AP1G1: variants seen among roughly 807,000 people sequenced by gnomAD.
AP1G1 encodes AP-1 complex subunit gamma-1.
A neutral mutation model predicts 108.3 loss-of-function variants in AP1G1; 7 were observed. That is an observed-to-expected ratio of 0.06 (90% CI 0.04 to 0.12). The LOEUF is 0.12. Among genes scored for constraint, AP1G1 ranks in the 10% least tolerant of loss-of-function variants. AP1G1 has a pLI of 1.00. For synonymous variants in AP1G1, 379 were observed against 353.5 expected, an observed-to-expected ratio of 1.07 and a Z score of -0.81; for missense variants, 756 against 1,010.7, an observed-to-expected ratio of 0.75 and a Z score of 3.42.
intron 1 of AP1G1, among the ~76,000 whole-genome samples, chr16:71,789,960 G>C (rs1767090748): frequency 6.6e-6 from 1 of 152,102 alleles, no homozygotes; most frequent in Non-Finnish European, 1.5e-5. Flanking sequence ...TAAGAGAGAA[G>C]ACCAATTGTC....
At position 71,764,342 on chromosome 16, in the gene AP1G1, A is replaced by C. The variant is rs770632286; in HGVS notation, c.918+8T>G. 60 of 1,552,688 alleles carry C rather than the reference A, an allele frequency of 3.9e-5. No individual in the cohort carries two copies. Among genetic ancestry groups the C allele is most frequent in the Non-Finnish European group, 5.2e-5 (59 of 1,135,298 alleles). On this transcript the variant is annotated splice_region_variant and intron_variant, in intron 9 of 22. Transcript: ENST00000299980. ...TAGGGGGGGAAGAAAAGATTCAAAA[A>C]GACTTACTCGCAATCCACTCTCTGA...
At chr16:71,799,400 C>T (rs1350990352) in intron 1 of AP1G1, among the ~76,000 whole-genome samples, 1 of 152,152 alleles carries the variant, frequency 6.6e-6, no homozygotes, top group African/African-American at 2.4e-5. Flanking sequence ...TAAATGTCCA[C>T]AGGAAAATAA....
intron 1 of AP1G1, among the ~76,000 whole-genome samples, chr16:71,803,855 CG>C (rs1385103939): frequency 7.2e-6 from 1 of 139,266 alleles, no homozygotes; most frequent in African/African-American, 2.7e-5. Context: ...AACCAGGGGG[CG>C]GAGGTTGCAG....
chr16:71,771,089 T>C (rs1210451095), intron 5 of AP1G1, 67 bp downstream of exon 5: 7 of 1,000,198 alleles, frequency 7.0e-6, no homozygotes, highest in South Asian at 1.4e-5. Flanking sequence ...AGGACTAACA[T>C]AGCCTTAAGC....
intron 19 of AP1G1, 52 bp from the exon 20 acceptor site, chr16:71,739,393 T>C: frequency 7.2e-7 from 1 of 1,390,984 alleles, no homozygotes; most frequent in Non-Finnish European, 9.8e-7. Context: ...TGACAAAGCT[T>C]ACCAAGAAAT....
intron 1 of AP1G1, chr16:71,807,943 C>T (rs2142297074): frequency 7.9e-7 from 1 of 1,265,068 alleles, no homozygotes; most frequent in Non-Finnish European, 1.0e-6. Flanking sequence ...TATGAGAAAA[C>T]ATTTGACAGC....
At chr16:71,764,770 ACAAAGAAATCTCACT>A in intron 7 of AP1G1, 44 bp from the exon 8 acceptor site, 1 of 1,254,116 alleles carries the variant, frequency 8.0e-7, no homozygotes, top group Non-Finnish European at 1.1e-6. Context: ...TATGTCTCAC[ACAAAGAAATCTCACT>A]TGGTATGAAA....
chr16:71,797,774 G>C (rs1338552910), intron 1 of AP1G1, among the ~76,000 whole-genome samples: 1 of 152,080 alleles, frequency 6.6e-6, no homozygotes, highest in Non-Finnish European at 1.5e-5. Context: ...ACTCCAGCCT[G>C]GGCGACAGAG....
Position 71,732,805 on chromosome 16 carries a change from A to T in AP1G1, c.*253T>A, listed in dbSNP as rs2045487388. On this transcript the variant is annotated 3_prime_UTR_variant, in exon 23 of 23. Transcript: ENST00000299980. Reference sequence around the variant, plus strand: ...GGCTGTAAATGTGGGAGGGGTGGAGAAGTGCGGAAAAAGGAGAAGAGGAAG... The same window carrying T: ...GGCTGTAAATGTGGGAGGGGTGGAGTAGTGCGGAAAAAGGAGAAGAGGAAG... The T allele has an allele frequency of 2.6e-6, 1 of 379,606 alleles. No homozygotes were observed. Among genetic ancestry groups the T allele is most frequent in the Non-Finnish European group, 4.8e-6 (1 of 209,952 alleles). 23.5% of individuals were successfully genotyped at this position (379,606 alleles called of 1,614,324 possible). A position where few individuals can be genotyped will look rare whatever the true frequency, so the allele number is the denominator to read the frequency against.
Position 71,732,213 on chromosome 16 carries a change from C to T in AP1G1, c.*845G>A, listed in dbSNP as rs924648612. On this transcript the variant is annotated 3_prime_UTR_variant, in exon 23 of 23. Transcript: ENST00000299980. ...ATGAATATATCTTTTAGAAGGTGAC[C>T]ATTTTGCACTTTAAAGGGAATCAAT... is the stretch of plus-strand genomic sequence containing the variant. 1 of 152,272 alleles carries T rather than the reference C, an allele frequency of 6.6e-6. No individual in the cohort carries two copies. Among genetic ancestry groups the T allele is most frequent in the Non-Finnish European group, 1.5e-5 (1 of 68,004 alleles). The allele number at this position is 152,272 out of a possible 1,614,324, so 9.4% of individuals were successfully genotyped here.
Position 71,739,048 on chromosome 16 carries a change from A to C in AP1G1, c.2162T>G (p.Phe721Cys). The C allele has an allele frequency of 6.2e-7, 1 of 1,614,208 alleles. No homozygotes were observed. Among genetic ancestry groups the C allele is most frequent in the South Asian group, 1.1e-5 (1 of 91,082 alleles). Residue 721 changes from phenylalanine (F) to cysteine (C), a missense_variant, in exon 21 of 23, where the codon TTT becomes TGT. Physicochemically the swap from Phe to Cys is radical, Grantham distance 205. This residue lies in a region of AP1G1 where 95 missense variants were observed against 160.5 expected (regional missense o/e 0.59). Coordinates refer to ENST00000299980, the MANE Select transcript of AP1G1 (RefSeq NM_001128.6). ...ACTGGGGTTGGTATTTGACCGTTCAAAGGTGAATTCTATCTTCAAGCCATT... is the reference window on the plus strand; with the variant it reads ...ACTGGGGTTGGTATTTGACCGTTCACAGGTGAATTCTATCTTCAAGCCATT... The part of the protein sequence containing the change: ...SKNGLKIEFT[F>C]ERSNTNPSVT...
At chr16:71,764,831 G>A (rs993018689) in intron 7 of AP1G1, 105 bp from the exon 8 acceptor site, 3 of 695,052 alleles carry the variant, frequency 4.3e-6, no homozygotes, top group South Asian at 2.0e-5. Flanking sequence ...AAATTCATTT[G>A]GAACCATTTA....
chr16:71,780,938 T>G, intron 2 of AP1G1, among the ~76,000 whole-genome samples: 1 of 151,966 alleles, frequency 6.6e-6, no homozygotes, highest in East Asian at 1.9e-4. Context: ...CTGCCTCAGC[T>G]TCCTAAAGTG....
intron 13 of AP1G1, 129 bp downstream of exon 13, chr16:71,753,704 A>T: frequency 1.2e-6 from 1 of 816,714 alleles, no homozygotes; most frequent in East Asian, 2.5e-5. Flanking sequence ...CATGGCATTT[A>T]TTCCTAACTG....
At chr16:71,753,773 T>A in intron 13 of AP1G1, 60 bp downstream of exon 13, 2 of 1,461,894 alleles carry the variant, frequency 1.4e-6, no homozygotes, top group Non-Finnish European at 9.6e-7. Context: ...AACATAAACT[T>A]CATGATAACA....
At chr16:71,749,527 T>A (rs1242142385) in intron 15 of AP1G1, among the ~76,000 whole-genome samples, 12 of 151,862 alleles carry the variant, frequency 7.9e-5, no homozygotes, top group Non-Finnish European at 4.4e-5. Context: ...ATAAGTTCCA[T>A]CTCAAAAAAT....
chr16:71,808,420 G>GCCCGC (rs2033075931), intron 1 of AP1G1: 1 of 1,135,126 alleles, frequency 8.8e-7, no homozygotes, highest in African/African-American at 1.6e-5. Flanking sequence ...CGGGGGTGGG[G>GCCCGC]CCCGCCCCGC....
At chr16:71,790,014 G>GT (rs1352290383) in intron 1 of AP1G1, among the ~76,000 whole-genome samples, 2 of 151,888 alleles carry the variant, frequency 1.3e-5, no homozygotes, top group African/African-American at 4.8e-5. Flanking sequence ...CCAGTACACT[G>GT]TGTGTATACT....
chr16:71,755,583 A>G (rs879174250), intron 12 of AP1G1, among the ~76,000 whole-genome samples: 2 of 152,206 alleles, frequency 1.3e-5, no homozygotes, highest in Admixed American at 1.3e-4. Flanking sequence ...CTAATTTATA[A>G]TTGAGGGTTT....
Sources: allele counts gnomAD v4.1 joint callset (sites outside exome capture counted in the v4.1 genomes callset), GRCh38; gene constraint gnomAD v4.1.1; regional missense constraint gnomAD v4.1.1; transcripts MANE v1.5; gene names NCBI Gene and HGNC (gene_info 2026-07-23, HGNC 2026-07-21).